The following SLIT2 variants were observed in gnomAD, a reference collection of about 807,000 sequenced individuals.
The protein encoded by SLIT2 is slit homolog 2 protein.
In SLIT2, 41 loss-of-function variants were observed where a neutral mutation model predicts 185.7. The ratio of observed to expected loss-of-function variants is 0.22; its 90% confidence interval spans 0.17 to 0.29. The LOEUF (loss-of-function observed/expected upper bound fraction) is 0.29. Ranked by LOEUF, SLIT2 falls within the 10% of genes least tolerant of loss-of-function variation. The pLI is 1.00. For synonymous variants in SLIT2, 693 were observed against 680.2 expected, an observed-to-expected ratio of 1.02 and a Z score of -0.29; for missense variants, 1,571 against 1,909.0, an observed-to-expected ratio of 0.82 and a Z score of 3.30.
chr4:20,318,618 A>T (rs1310619166), intron 4 of SLIT2, among the ~76,000 whole-genome samples: 1 of 150,788 alleles, frequency 6.6e-6, no homozygotes, highest in African/African-American at 2.4e-5. Context: ...AATGTCTCAA[A>T]TAAAGCTGTA....
chr4:20,309,758 C>CTTTT (rs1553876753), intron 4 of SLIT2, among the ~76,000 whole-genome samples: 31 of 27,938 alleles, frequency 1.1e-3, no homozygotes, highest in East Asian at 3.1e-3. Context: ...GTCTTTCTTT[C>CTTTT]TTTTTTTTTT....
chr4:20,600,665 C>T (rs930337510), intron 33 of SLIT2, among the ~76,000 whole-genome samples: 4 of 151,680 alleles, frequency 2.6e-5, no homozygotes, highest in South Asian at 2.1e-4. Context: ...CCTCGTGATC[C>T]GTCCATTTCA....
intron 9 of SLIT2, among the ~76,000 whole-genome samples, chr4:20,507,238 T>G (rs550109673): frequency 2.0e-5 from 3 of 152,020 alleles, no homozygotes; most frequent in Non-Finnish European, 4.4e-5. Context: ...TATTGTATAA[T>G]TTGGGTTTTT....
intron 29 of SLIT2, among the ~76,000 whole-genome samples, chr4:20,583,831 A>AT (rs1726816088): frequency 2.6e-5 from 4 of 151,838 alleles, no homozygotes; most frequent in African/African-American, 9.6e-5. Context: ...AATAATAATA[A>AT]AAATAAAATA....
chr4:20,561,183 G>C (rs1010885808), intron 26 of SLIT2, among the ~76,000 whole-genome samples: 3 of 151,746 alleles, frequency 2.0e-5, no homozygotes, highest in Admixed American at 6.6e-5. Context: ...GCCAGGATAC[G>C]ATGCTGAATG....
intron 4 of SLIT2, among the ~76,000 whole-genome samples, chr4:20,273,521 T>G (rs1034966586): frequency 6.6e-6 from 1 of 152,072 alleles, no homozygotes; most frequent in Admixed American, 6.6e-5. Context: ...GAGCAAATAG[T>G]AACTCTGGGA....
chr4:20,576,227 A>G (rs1279262837), intron 29 of SLIT2, among the ~76,000 whole-genome samples: 8 of 152,216 alleles, frequency 5.3e-5, no homozygotes, highest in Admixed American at 5.2e-4. Flanking sequence ...GGAATTCTTT[A>G]TTCAATTTTT....
At chr4:20,405,195 T>TTA (rs149863258) in intron 4 of SLIT2, among the ~76,000 whole-genome samples, 5,315 of 150,086 alleles carry the variant, frequency 0.035, 127 homozygotes, top group African/African-American at 0.065. Flanking sequence ...ACACTGCCTA[T>TTA]TATATATATA....
intron 4 of SLIT2, among the ~76,000 whole-genome samples, chr4:20,361,318 G>GTCCACCCA (rs1722729558): frequency 6.6e-6 from 1 of 151,690 alleles, no homozygotes. Context: ...CCATCCACCC[G>GTCCACCCA]TCCACCCATC....
Position 20,488,895 on chromosome 4 carries a change from G to A in SLIT2, c.688G>A (p.Val230Ile). 2 of 1,613,058 alleles carry A rather than the reference G, an allele frequency of 1.2e-6. No individual in the cohort carries two copies. The highest frequency in any genetic ancestry group is 1.7e-6 in the Non-Finnish European group (2 of 1,179,150). ...LSDWLRQRPRVGLYTQCMGPS... is the reference protein window; with the variant it reads ...LSDWLRQRPRIGLYTQCMGPS... ...CGACTGGCTTCGCCAAAGGCCTCGGGTTGGTCTGTACACTCAGTGTATGGG... is the reference window on the plus strand; with the variant it reads ...CGACTGGCTTCGCCAAAGGCCTCGGATTGGTCTGTACACTCAGTGTATGGG... Residue 230 changes from valine to isoleucine, a missense_variant, in exon 8 of 37, where the codon GTT becomes ATT. By Grantham distance (29) the Val-to-Ile change is conservative. Coordinates refer to ENST00000504154, the MANE Select transcript of SLIT2 (RefSeq NM_004787.4).
At chr4:20,573,116 C>A in intron 29 of SLIT2, 1 of 684,196 alleles carries the variant, frequency 1.5e-6, no homozygotes, top group African/African-American at 1.8e-5. Context: ...AGCCTTGCTT[C>A]AGCTTGCTCG....
At chr4:20,510,433 T>C in intron 9 of SLIT2, 62 bp from the exon 10 acceptor site, 3 of 1,035,024 alleles carry the variant, frequency 2.9e-6, no homozygotes, top group East Asian at 2.4e-5. Flanking sequence ...ATCCTGAGCT[T>C]GAATTAAACA....
At chr4:20,538,780 T>TAAA (rs35129347) in intron 18 of SLIT2, among the ~76,000 whole-genome samples, 24,193 of 120,528 alleles carry the variant, frequency 0.2, 2,727 homozygotes, top group Middle Eastern at 0.33. Context: ...TGACAATGAC[T>TAAA]AAAAAAAAAA....
At chr4:20,310,090 C>A (rs1717959505) in intron 4 of SLIT2, among the ~76,000 whole-genome samples, 1 of 152,102 alleles carries the variant, frequency 6.6e-6, no homozygotes, top group Non-Finnish European at 1.5e-5. Flanking sequence ...TCTGGTGGTT[C>A]TATCTTCATC....
At chr4:20,284,542 A>C (rs1028580576) in intron 4 of SLIT2, among the ~76,000 whole-genome samples, 2 of 152,214 alleles carry the variant, frequency 1.3e-5, no homozygotes, top group Non-Finnish European at 2.9e-5. Flanking sequence ...GAAAGACAGC[A>C]TGTGAAGCAT....
intron 3 of SLIT2, among the ~76,000 whole-genome samples, chr4:20,261,018 A>T (rs1577335004): frequency 6.6e-6 from 1 of 151,778 alleles, no homozygotes; most frequent in African/African-American, 2.4e-5. Context: ...GCATCACTGT[A>T]AAAGGAGGAA....
At chr4:20,510,766 C>T (rs187571479) in intron 10 of SLIT2, among the ~76,000 whole-genome samples, 200 bp downstream of exon 10, 28 of 152,208 alleles carry the variant, frequency 1.8e-4, no homozygotes, top group East Asian at 1.5e-3. Context: ...TGTAATTTAG[C>T]ATATTGATTC....
chr4:20,275,324 C>T (rs1201124072), intron 4 of SLIT2, among the ~76,000 whole-genome samples: 2 of 152,036 alleles, frequency 1.3e-5, no homozygotes, highest in Admixed American at 6.6e-5. Context: ...AGTAGACAAC[C>T]GTATTGTTGA....
chr4:20,468,514 G>A (rs1386832253), intron 5 of SLIT2, among the ~76,000 whole-genome samples: 3 of 151,718 alleles, frequency 2.0e-5, no homozygotes, highest in Non-Finnish European at 2.9e-5. Flanking sequence ...TAAATCTTTA[G>A]TCTGGTGTTT....
Sources: allele counts gnomAD v4.1 joint callset (sites outside exome capture counted in the v4.1 genomes callset), GRCh38; gene constraint gnomAD v4.1.1; transcripts MANE v1.5; gene names NCBI Gene and HGNC (gene_info 2026-07-23, HGNC 2026-07-21).